Variants in GHR observed in about 807,000 individuals in gnomAD.
GHR encodes growth hormone receptor, also known as GH receptor.
A neutral mutation model predicts 67.1 loss-of-function variants in GHR; 35 were observed. That is an observed-to-expected ratio of 0.52 (90% confidence interval 0.40 to 0.69). The LOEUF (loss-of-function observed/expected upper bound fraction) is 0.69. GHR is among the 30% of genes least tolerant of loss of function. The pLI is 0.00. For synonymous variants in GHR, 272 were observed against 269.1 expected, an observed-to-expected ratio of 1.01 and a Z score of -0.10; for missense variants, 792 against 764.6, an observed-to-expected ratio of 1.04 and a Z score of -0.42.
chr5:42,698,113 G>C (rs1023278556), intron 5 of GHR, among the ~76,000 whole-genome samples: 3 of 152,130 alleles, frequency 2.0e-5, no homozygotes, highest in Admixed American at 2.0e-4. Flanking sequence ...GAGAGGAAGA[G>C]CAAGGGTTTG....
intron 3 of GHR, among the ~76,000 whole-genome samples, chr5:42,681,242 A>G (rs975330705): frequency 1.4e-5 from 2 of 145,594 alleles, no homozygotes; most frequent in African/African-American, 5.1e-5. Flanking sequence ...CAGAATCTAC[A>G]AAGAACTTCA....
At chr5:42,520,342 G>T (rs1747419553) in intron 1 of GHR, among the ~76,000 whole-genome samples, 1 of 152,154 alleles carries the variant, frequency 6.6e-6, no homozygotes, top group Non-Finnish European at 1.5e-5. Context: ...GATACCTTGT[G>T]ATCTTGTGTA....
chr5:42,451,881 T>G (rs1744066983), intron 1 of GHR, among the ~76,000 whole-genome samples: 1 of 152,224 alleles, frequency 6.6e-6, no homozygotes, highest in African/African-American at 2.4e-5. Flanking sequence ...ATCTTTTAAG[T>G]GGAGCATTTA....
intron 1 of GHR, among the ~76,000 whole-genome samples, chr5:42,552,923 T>A (rs533093217): frequency 6.6e-6 from 1 of 152,360 alleles, no homozygotes; most frequent in South Asian, 2.1e-4. Flanking sequence ...TTTTCAACAT[T>A]TCCTTATCAC....
At chr5:42,608,710 A>C (rs1752746242) in intron 2 of GHR, among the ~76,000 whole-genome samples, 1 of 152,220 alleles carries the variant, frequency 6.6e-6, no homozygotes, top group African/African-American at 2.4e-5. Context: ...TAAATTTCAG[A>C]GAAAAGTTAT....
At chr5:42,622,224 TG>T (rs1753483041) in intron 2 of GHR, among the ~76,000 whole-genome samples, 1 of 152,176 alleles carries the variant, frequency 6.6e-6, no homozygotes, top group African/African-American at 2.4e-5. Flanking sequence ...AGGGTATTTC[TG>T]CCCAAAGCCT....
rs375348921 is a variant in GHR, at chr5:42,607,538, A to G, written c.71-21500A>G. On this transcript the variant is annotated intron_variant, in intron 2 of 9. Coordinates refer to ENST00000230882, the MANE Select transcript of GHR (RefSeq NM_000163.5). The stretch of plus-strand genomic sequence containing the variant: ...AGCTTATAGTCTGATTAGGAATAAG[A>G]AAACTGACACAAAATAACAGCAAAT... 5.3e-5 allele frequency among the ~76,000 whole-genome samples: 8 copies of G among 152,328 alleles called. No individual in the cohort carries two copies. In the East Asian group the frequency reaches 1.4e-3, roughly 26 times the overall value.
At chr5:42,530,085 A>G (rs546072351) in intron 1 of GHR, among the ~76,000 whole-genome samples, 4 of 131,406 alleles carry the variant, frequency 3.0e-5, no homozygotes, top group Admixed American at 9.2e-5. Context: ...TAAAAGTTGT[A>G]TATATTCAAG....
intron 1 of GHR, among the ~76,000 whole-genome samples, chr5:42,429,036 C>T (rs2111880738): frequency 6.6e-6 from 1 of 152,298 alleles, no homozygotes. Flanking sequence ...CCAACTCTAC[C>T]ATTACCAACT....
At chr5:42,491,538 A>G (rs1012567299) in intron 1 of GHR, among the ~76,000 whole-genome samples, 1 of 152,242 alleles carries the variant, frequency 6.6e-6, no homozygotes, top group Non-Finnish European at 1.5e-5. Flanking sequence ...TAATCATGCT[A>G]CAGAGTTCTA....
chr5:42,559,331 A>G, intron 1 of GHR, among the ~76,000 whole-genome samples: 1 of 152,202 alleles, frequency 6.6e-6, no homozygotes, highest in Admixed American at 6.5e-5. Flanking sequence ...AGGTGAGGCC[A>G]GGAATTAGAG....
At chr5:42,519,272 C>A (rs1747372951) in intron 1 of GHR, among the ~76,000 whole-genome samples, 2 of 152,144 alleles carry the variant, frequency 1.3e-5, no homozygotes. Flanking sequence ...TTTCACTTAG[C>A]TGTTTTTCCT....
At chr5:42,553,261 G>T (rs1050738733) in intron 1 of GHR, among the ~76,000 whole-genome samples, 1 of 152,154 alleles carries the variant, frequency 6.6e-6, no homozygotes, top group African/African-American at 2.4e-5. Context: ...TGTTGTTAGG[G>T]CCTCTAGGGA....
intron 1 of GHR, among the ~76,000 whole-genome samples, chr5:42,527,057 C>G (rs1379013265): frequency 6.6e-6 from 1 of 152,136 alleles, no homozygotes; most frequent in Non-Finnish European, 1.5e-5. Context: ...CCAGACCTCC[C>G]TTATAAGAGA....
At chr5:42,461,570 C>A (rs918379883) in intron 1 of GHR, among the ~76,000 whole-genome samples, 1 of 152,174 alleles carries the variant, frequency 6.6e-6, no homozygotes, top group Admixed American at 6.5e-5. Context: ...ATCATATACC[C>A]CTATCATGTG....
At chr5:42,494,604 G>A (rs952206038) in intron 1 of GHR, among the ~76,000 whole-genome samples, 8 of 152,098 alleles carry the variant, frequency 5.3e-5, no homozygotes, top group Admixed American at 5.2e-4. Flanking sequence ...AATTTGCTAT[G>A]AGTCAGCCAC....
At chr5:42,492,477 T>A (rs1579810576) in intron 1 of GHR, among the ~76,000 whole-genome samples, 1 of 152,316 alleles carries the variant, frequency 6.6e-6, no homozygotes, top group East Asian at 1.9e-4. Flanking sequence ...TGTTTTTCTA[T>A]AGGCAGCTGG....
At chr5:42,694,873 A>T in intron 4 of GHR, 44 bp from the exon 5 acceptor site, 2 of 1,437,082 alleles carry the variant, frequency 1.4e-6, no homozygotes, top group Non-Finnish European at 2.0e-6. Flanking sequence ...AAGCTACAAC[A>T]TGATTTTTGG....
chr5:42,475,349 TAGG>T (rs1439092545), intron 1 of GHR, among the ~76,000 whole-genome samples: 1 of 152,110 alleles, frequency 6.6e-6, no homozygotes, highest in Non-Finnish European at 1.5e-5. Flanking sequence ...TGTGAAACTA[TAGG>T]AGTTGAAGCC....
Sources: gnomAD v4.1 joint callset for allele counts (sites outside exome capture counted in the v4.1 genomes callset) on GRCh38, gnomAD v4.1.1 for gene constraint, MANE v1.5 for transcripts, NCBI Gene and HGNC (gene_info 2026-07-23, HGNC 2026-07-21) for gene names.